Variants in WWOX observed in about 807,000 individuals in gnomAD.
The protein encoded by WWOX is WW domain-containing oxidoreductase.
In WWOX, 69 loss-of-function variants were observed where a neutral mutation model predicts 46.2. The observed-to-expected ratio is 1.49, with a 90% CI of 1.23 to 1.82. The LOEUF is 1.82. Among genes scored for constraint, WWOX ranks in the 40% most tolerant of loss-of-function variants. WWOX has a pLI of 0.00. For missense variants in WWOX, 919 were observed against 542.6 expected (o/e 1.69, Z -6.89); for synonymous variants, 359 against 202.6 (o/e 1.77, Z -6.56).
At chr16:78,480,247 C>T (rs903410247) in intron 8 of WWOX, among the ~76,000 whole-genome samples, 9 of 152,126 alleles carry the variant, frequency 5.9e-5, no homozygotes, top group African/African-American at 1.7e-4. Context: ...TGGGTAGCAC[C>T]GATATAGAAC....
At chr16:78,690,184 C>T (rs546829995) in intron 8 of WWOX, among the ~76,000 whole-genome samples, 2 of 152,100 alleles carry the variant, frequency 1.3e-5, no homozygotes, top group East Asian at 1.9e-4. Context: ...AACAACCCCC[C>T]CTCCACACTG....
At chr16:78,499,123 A>G (rs1412623902) in intron 8 of WWOX, among the ~76,000 whole-genome samples, 1 of 152,178 alleles carries the variant, frequency 6.6e-6, no homozygotes, top group Non-Finnish European at 1.5e-5. Context: ...CTAAGTATGA[A>G]AACCATGTGG....
intron 8 of WWOX, among the ~76,000 whole-genome samples, chr16:78,722,587 T>G (rs2048718923): frequency 6.6e-6 from 1 of 152,058 alleles, no homozygotes; most frequent in African/African-American, 2.4e-5. Context: ...GCTGTAGAAT[T>G]TGTGTGATGA....
At chr16:78,425,257 A>G (rs565376679) in intron 7 of WWOX, among the ~76,000 whole-genome samples, 3 of 152,242 alleles carry the variant, frequency 2.0e-5, no homozygotes, top group Non-Finnish European at 2.9e-5. Context: ...TTCTAGAGCA[A>G]GGAAGATTGT....
chr16:78,790,236 G>C (rs181528394), intron 8 of WWOX, among the ~76,000 whole-genome samples: 18 of 152,250 alleles, frequency 1.2e-4, no homozygotes, highest in Admixed American at 2.6e-4. Context: ...CTGGGTTCAG[G>C]TGATTGTCCT....
intron 8 of WWOX, among the ~76,000 whole-genome samples, chr16:78,547,802 A>T (rs957647522): frequency 6.6e-6 from 1 of 152,060 alleles, no homozygotes; most frequent in Non-Finnish European, 1.5e-5. Flanking sequence ...CTTTGCCTCA[A>T]TGACCTAATC....
intron 8 of WWOX, among the ~76,000 whole-genome samples, chr16:78,560,234 G>T (rs1372759665): frequency 6.6e-6 from 1 of 152,204 alleles, no homozygotes; most frequent in African/African-American, 2.4e-5. Flanking sequence ...TCTGAAATCT[G>T]TTTGGATCTG....
chr16:79,206,063 T>C (rs2051499308), intron 8 of WWOX: 2 of 152,204 alleles, frequency 1.3e-5, no homozygotes, highest in Non-Finnish European at 2.9e-5. Flanking sequence ...AAGGGGGTGC[T>C]GAGTCTTCAT....
At chr16:78,218,493 G>A (rs935353206) in intron 5 of WWOX, among the ~76,000 whole-genome samples, 2 of 152,082 alleles carry the variant, frequency 1.3e-5, no homozygotes, top group Admixed American at 1.3e-4. Context: ...TTGGTTGACA[G>A]GAGTCATGAT....
At chr16:78,645,746 T>A (rs1310795376) in intron 8 of WWOX, among the ~76,000 whole-genome samples, 1 of 152,082 alleles carries the variant, frequency 6.6e-6, no homozygotes, top group East Asian at 1.9e-4. Flanking sequence ...GCCTCCAACA[T>A]TGGAGATCAA....
chr16:79,111,605 A>G (rs2049417547), intron 8 of WWOX, among the ~76,000 whole-genome samples: 1 of 152,218 alleles, frequency 6.6e-6, no homozygotes. Context: ...AAATAAAAAT[A>G]GAAAAGAGCT....
At chr16:78,333,903 G>C (rs1260976344) in intron 5 of WWOX, among the ~76,000 whole-genome samples, 2 of 151,724 alleles carry the variant, frequency 1.3e-5, no homozygotes, top group Non-Finnish European at 1.5e-5. Context: ...GAGCAGAAAA[G>C]GTATCATCTC....
intron 5 of WWOX, chr16:78,266,978 C>T (rs978264719): frequency 1.3e-5 from 2 of 152,180 alleles, no homozygotes; most frequent in African/African-American, 4.8e-5. Flanking sequence ...CTTTCCCATG[C>T]TATTCTCATG....
rs563787857 is a variant in WWOX, at chr16:78,293,728, A to G, written c.517-93132A>G. 1.5e-3 allele frequency among the ~76,000 whole-genome samples: 233 copies of G among 152,222 alleles called. 7 individuals carry two copies. The South Asian group carries it at 0.045, about 29-fold the overall frequency. ...TGCGGTGCCTCAGGCCTGTAATCCC[A>G]GCACTTTGAGAGGCCGAGGCTGGCA... On this transcript the variant is annotated intron_variant, in intron 5 of 8. Coordinates refer to ENST00000566780, the MANE Select transcript of WWOX (RefSeq NM_016373.4).
intron 8 of WWOX, among the ~76,000 whole-genome samples, chr16:78,547,486 C>G (rs934030304): frequency 2.0e-5 from 3 of 152,166 alleles, no homozygotes; most frequent in Admixed American, 2.0e-4. Context: ...GCTCTAGACA[C>G]TGTATTAGTT....
At chr16:78,780,976 C>T (rs983263917) in intron 8 of WWOX, among the ~76,000 whole-genome samples, 1 of 152,180 alleles carries the variant, frequency 6.6e-6, no homozygotes, top group East Asian at 1.9e-4. Flanking sequence ...TTGGGGCCAG[C>T]CTGCAGACTG....
chr16:78,406,558 C>T (rs1340083992), intron 6 of WWOX, among the ~76,000 whole-genome samples: 2 of 149,902 alleles, frequency 1.3e-5, no homozygotes, highest in African/African-American at 2.5e-5. Flanking sequence ...ACCATGTTGG[C>T]GAGGATGGTC....
At chr16:78,969,166 G>A (rs2046420809) in intron 8 of WWOX, among the ~76,000 whole-genome samples, 1 of 151,966 alleles carries the variant, frequency 6.6e-6, no homozygotes, top group African/African-American at 2.4e-5. Context: ...ATGGGTCTGG[G>A]CACTGAATTC....
chr16:78,587,244 C>G (rs1265933089), intron 8 of WWOX, among the ~76,000 whole-genome samples: 3 of 143,830 alleles, frequency 2.1e-5, no homozygotes, highest in Non-Finnish European at 4.5e-5. Flanking sequence ...CTATGTTGCC[C>G]AGGCTTGTCT....
Sources: allele counts gnomAD v4.1 joint callset (sites outside exome capture counted in the v4.1 genomes callset), GRCh38; gene constraint gnomAD v4.1.1; transcripts MANE v1.5; gene names NCBI Gene and HGNC (gene_info 2026-07-23, HGNC 2026-07-21).